DNAJC15: variants seen among roughly 807,000 people sequenced by gnomAD.
DNAJC15 encodes DnaJ heat shock protein family (Hsp40) member C15.
Under a neutral mutation model 22.4 loss-of-function variants are expected in DNAJC15, and 27 were observed. That is an observed-to-expected ratio of 1.20 (90% CI 0.89 to 1.66). The LOEUF is 1.66. DNAJC15 is among the 40% of genes most tolerant of loss of function. The pLI is 0.00. For missense variants in DNAJC15, 208 were observed against 187.1 expected, an observed-to-expected ratio of 1.11 and a Z score of -0.65; for synonymous variants, 79 against 63.2, an observed-to-expected ratio of 1.25 and a Z score of -1.19.
At chr13:43,042,433 C>T (rs2040458506) in intron 1 of DNAJC15, among the ~76,000 whole-genome samples, 1 of 152,162 alleles carries the variant, frequency 6.6e-6, no homozygotes, top group African/African-American at 2.4e-5. Context: ...AGGCACTCTC[C>T]TGTGTTAGGG....
chr13:43,089,856 A>G (rs2040705893), intron 5 of DNAJC15, among the ~76,000 whole-genome samples: 2 of 152,212 alleles, frequency 1.3e-5, no homozygotes, highest in Admixed American at 6.5e-5. Flanking sequence ...TTATGGGCAG[A>G]AAAGTGCACA....
At chr13:43,092,103 A>G (rs1160118084) in intron 5 of DNAJC15, among the ~76,000 whole-genome samples, 1 of 152,164 alleles carries the variant, frequency 6.6e-6, no homozygotes, top group East Asian at 1.9e-4. Context: ...AACCTCCTAC[A>G]GTGATTGTGG....
chr13:43,076,305 G>T (rs1442072398), intron 3 of DNAJC15, among the ~76,000 whole-genome samples: 1 of 152,114 alleles, frequency 6.6e-6, no homozygotes, highest in Non-Finnish European at 1.5e-5. Flanking sequence ...TTTATTGAAT[G>T]AATTAATTGC....
intron 5 of DNAJC15, among the ~76,000 whole-genome samples, chr13:43,096,388 C>A (rs1305636459): frequency 6.6e-6 from 1 of 152,180 alleles, no homozygotes; most frequent in African/African-American, 2.4e-5. Flanking sequence ...ATTTATCCAG[C>A]TGTACTGAGC....
intron 3 of DNAJC15, among the ~76,000 whole-genome samples, chr13:43,070,282 G>A (rs923004737): frequency 5.3e-5 from 8 of 152,068 alleles, no homozygotes; most frequent in Non-Finnish European, 5.9e-5. Flanking sequence ...GGGAACATAG[G>A]TGTATTTTCT....
At chr13:43,091,326 G>T (rs976067947) in intron 5 of DNAJC15, among the ~76,000 whole-genome samples, 1 of 152,214 alleles carries the variant, frequency 6.6e-6, no homozygotes, top group Non-Finnish European at 1.5e-5. Context: ...GACGTCAGGT[G>T]TTCTGCCTGC....
intron 1 of DNAJC15, among the ~76,000 whole-genome samples, chr13:43,034,984 C>T (rs983604425): frequency 2.0e-5 from 3 of 152,038 alleles, no homozygotes; most frequent in African/African-American, 7.2e-5. Flanking sequence ...TTTTATCCTC[C>T]CACCCTCATC....
At chr13:43,104,663 T>C (rs2040787401) in intron 5 of DNAJC15, among the ~76,000 whole-genome samples, 1 of 151,470 alleles carries the variant, frequency 6.6e-6, no homozygotes, top group Admixed American at 6.6e-5. Context: ...GAGTGTTATT[T>C]TTTTTGTTCT....
intron 1 of DNAJC15, among the ~76,000 whole-genome samples, chr13:43,036,759 C>T (rs2040430830): frequency 6.6e-6 from 1 of 152,272 alleles, no homozygotes; most frequent in Non-Finnish European, 1.5e-5. Flanking sequence ...GCTGGACCTC[C>T]CTCCTGGGCT....
At chr13:43,101,173 G>C (rs1749228500) in intron 5 of DNAJC15, among the ~76,000 whole-genome samples, 1 of 152,266 alleles carries the variant, frequency 6.6e-6, no homozygotes, top group Admixed American at 6.5e-5. Flanking sequence ...AGAACATATA[G>C]TTGGCTCATG....
chr13:43,105,329 A>T (rs2040791160), intron 5 of DNAJC15, among the ~76,000 whole-genome samples: 1 of 152,166 alleles, frequency 6.6e-6, no homozygotes, highest in South Asian at 2.1e-4. Flanking sequence ...CAGCCTTCCA[A>T]GTCCCACAAG....
intron 3 of DNAJC15, among the ~76,000 whole-genome samples, chr13:43,070,364 A>G (rs773637790): frequency 6.6e-6 from 1 of 152,150 alleles, no homozygotes; most frequent in Non-Finnish European, 1.5e-5. Flanking sequence ...AGCACCTACT[A>G]CATACTACAT....
At chr13:43,048,571 T>G (rs1381504371) in intron 1 of DNAJC15, among the ~76,000 whole-genome samples, 1 of 152,188 alleles carries the variant, frequency 6.6e-6, no homozygotes, top group African/African-American at 2.4e-5. Context: ...TATATCATCT[T>G]TTTTTCCCCC....
At chr13:43,064,340 A>G (rs188449768) in intron 1 of DNAJC15, among the ~76,000 whole-genome samples, 99 of 152,308 alleles carry the variant, frequency 6.5e-4, no homozygotes, top group African/African-American at 2.2e-3. Flanking sequence ...GACTTGGTGT[A>G]TATTTCCCTA....
rs974353334 is a variant in DNAJC15, at chr13:43,108,275, GATAT to G, written c.*1030_*1033del. ...TCTGAGATGAGAATTAGCAGAAATA[GATAT>G]ATCAATCGGAGTGATTAGAGTGCAG... On this transcript the variant is annotated 3_prime_UTR_variant, in exon 6 of 6. Transcript: ENST00000379221. The G allele has an allele frequency of 6.6e-6, 1 of 152,192 alleles. No homozygotes were observed. Among genetic ancestry groups the G allele is most frequent in the African/African-American group, 2.4e-5 (1 of 41,446 alleles). The allele number at this position is 152,192 out of a possible 1,614,324, so 9.4% of individuals were successfully genotyped here. A position where few individuals can be genotyped will look rare whatever the true frequency, so the allele number is the denominator to read the frequency against.
At chr13:43,024,651 A>T (rs548449592) in intron 1 of DNAJC15, among the ~76,000 whole-genome samples, 1 of 151,900 alleles carries the variant, frequency 6.6e-6, no homozygotes, top group Non-Finnish European at 1.5e-5. Context: ...GCATATTTTT[A>T]AGTTTTTTGT....
chr13:43,098,368 G>A (rs150070298), intron 5 of DNAJC15, among the ~76,000 whole-genome samples: 1 of 152,286 alleles, frequency 6.6e-6, no homozygotes, highest in African/African-American at 2.4e-5. Flanking sequence ...GGCAGCAAAG[G>A]TAATTTGATT....
intron 1 of DNAJC15, among the ~76,000 whole-genome samples, chr13:43,055,037 C>T (rs2040522680): frequency 7.0e-6 from 1 of 142,472 alleles, no homozygotes; most frequent in Non-Finnish European, 1.5e-5. Flanking sequence ...ATTCCTTTCC[C>T]TTTAGGACAT....
chr13:43,031,667 C>A (rs4344619), intron 1 of DNAJC15, among the ~76,000 whole-genome samples: 87,562 of 151,928 alleles, frequency 0.58, 25,363 homozygotes, highest in African/African-American at 0.65. Context: ...AGGTATAGAT[C>A]CTGCTAATAT....
Sources: gnomAD v4.1 joint callset for allele counts (sites outside exome capture counted in the v4.1 genomes callset) on GRCh38, gnomAD v4.1.1 for gene constraint, MANE v1.5 for transcripts, NCBI Gene and HGNC (gene_info 2026-07-23, HGNC 2026-07-21) for gene names.